Variants in ABCC9 observed in about 807,000 individuals in gnomAD.
The protein encoded by ABCC9 is ATP-binding cassette sub-family C member 9.
Under a neutral mutation model 188.3 loss-of-function variants are expected in ABCC9, and 95 were observed. That is an observed-to-expected ratio of 0.50 (90% CI 0.43 to 0.60). The LOEUF (loss-of-function observed/expected upper bound fraction) is 0.60. ABCC9 is among the 20% of genes least tolerant of loss of function. ABCC9 has a pLI of 0.00. For missense variants in ABCC9, 1,102 were observed against 1,876.3 expected (o/e 0.59, Z 7.62); for synonymous variants, 659 against 652.7 (o/e 1.01, Z -0.15).
At chr12:21,908,441 G>T (rs1948144646) in intron 10 of ABCC9, among the ~76,000 whole-genome samples, 2 of 151,934 alleles carry the variant, frequency 1.3e-5, no homozygotes, top group African/African-American at 4.8e-5. Context: ...TGCTAGGAAT[G>T]TATTTTTAGT....
rs1015956045 is a variant in ABCC9, at chr12:21,924,033, A to T, written c.406+1909T>A. ...GTCTATACTGTGTCATTCAATTTACATGAAGTTCTAGAACAGGCAAACCTA... is the reference window on the plus strand; with the variant it reads ...GTCTATACTGTGTCATTCAATTTACTTGAAGTTCTAGAACAGGCAAACCTA... On this transcript the variant is annotated intron_variant, in intron 5 of 39. Coordinates refer to ENST00000261200, the MANE Select transcript of ABCC9 (RefSeq NM_020297.4). 8.8e-6 allele frequency: 4 copies of T among 452,768 alleles called. No homozygotes were observed. In the Admixed American group the frequency reaches 1.2e-4, roughly 14 times the overall value. 28.0% of individuals were successfully genotyped at this position (452,768 alleles called of 1,614,324 possible).
chr12:21,865,979 C>G (rs1246086828), intron 18 of ABCC9, among the ~76,000 whole-genome samples: 1 of 151,002 alleles, frequency 6.6e-6, no homozygotes, highest in Non-Finnish European at 1.5e-5. Context: ...AGCAAAGAAC[C>G]AGAGCACCAA....
At chr12:21,852,339 A>G in intron 23 of ABCC9, 29 bp downstream of exon 23, 1 of 1,613,710 alleles carries the variant, frequency 6.2e-7, no homozygotes, top group Non-Finnish European at 8.5e-7. Flanking sequence ...TAATATAAAA[A>G]TGAGCAAAAT....
rs769816456 is a variant in ABCC9, at chr12:21,895,322, A to G, written c.1619-7T>C. On this transcript the variant is annotated splice_region_variant and splice_polypyrimidine_tract_variant and intron_variant, in intron 12 of 39. Coordinates refer to ENST00000261200, the MANE Select transcript of ABCC9 (RefSeq NM_020297.4). ...ATTGCTGCATTCATGAAGACTGTGG[A>G]AAGAAATAAAATGCATTAGTTTCAT... The G allele has an allele frequency of 1.2e-5, 20 of 1,612,312 alleles. No homozygotes were observed. In the African/African-American group the frequency reaches 2.7e-4, roughly 22 times the overall value.
rs1268787295 is a variant in ABCC9, at chr12:21,882,822, A to C, written c.1963T>G (p.Tyr655Asp). ...KQPGRYHLDS[Y>D]EQSTRRLRPA... Reference sequence around the variant, plus strand: ...CGTAGACGCCGTGTTGATTGCTCATAGCTGTCCAGGTGATATCTTCCAGGC... The same window carrying C: ...CGTAGACGCCGTGTTGATTGCTCATCGCTGTCCAGGTGATATCTTCCAGGC... Residue 655 changes from tyrosine to aspartate, a missense_variant, in exon 16 of 40, where the codon TAT becomes GAT. Around this residue, in one of 12 missense-constraint regions of ABCC9, gnomAD observed 258 missense variants for 325.6 expected, o/e 0.79. Transcript: ENST00000261200. 1 of 1,614,088 alleles carries C rather than the reference A, an allele frequency of 6.2e-7. No homozygotes were observed. The highest frequency in any genetic ancestry group is 1.1e-5 in the South Asian group (1 of 91,088).
intron 3 of ABCC9, among the ~76,000 whole-genome samples, chr12:21,934,859 T>C (rs896707518): frequency 1.3e-5 from 2 of 152,114 alleles, no homozygotes; most frequent in African/African-American, 4.8e-5. Flanking sequence ...ATTCATGTCT[T>C]AGTTGTTTTC....
At chr12:21,805,209 C>T in intron 39 of ABCC9, 1 of 1,613,970 alleles carries the variant, frequency 6.2e-7, no homozygotes, top group Non-Finnish European at 8.5e-7. Context: ...GAAAAGAGGC[C>T]ATTCTTGTGG....
At chr12:21,801,259 G>A (rs1311437383) in intron 39 of ABCC9, 78 bp from the exon 40 acceptor site, 1 of 1,560,980 alleles carries the variant, frequency 6.4e-7, no homozygotes, top group Non-Finnish European at 8.8e-7. Flanking sequence ...TATATTTCAT[G>A]AATTATTCTG....
chr12:21,859,506 C>T, intron 22 of ABCC9, 80 bp downstream of exon 22: 1 of 1,379,304 alleles, frequency 7.3e-7, no homozygotes, highest in Non-Finnish European at 1.0e-6. Flanking sequence ...CCTTGAGTTA[C>T]TTGACTTACA....
intron 5 of ABCC9, among the ~76,000 whole-genome samples, chr12:21,921,642 T>G (rs896022307): frequency 4.6e-5 from 7 of 152,138 alleles, no homozygotes; most frequent in Non-Finnish European, 1.0e-4. Flanking sequence ...CAAGAAATCT[T>G]TGCCCAGTCC....
Position 21,829,025 on chromosome 12 carries a change from A to C in ABCC9, c.3602T>G (p.Leu1201Arg), listed in dbSNP as rs766633076. ...GTAGGCAATGTTGTTTGTATCCGTCAGTTCCAGCATACGTTGTTTAAATCT... is the reference window on the plus strand; with the variant it reads ...GTAGGCAATGTTGTTTGTATCCGTCCGTTCCAGCATACGTTGTTTAAATCT... The part of the protein sequence containing the change: ...ETRFKQRMLE[L>R]TDTNNIAYLF... Residue 1201 changes from leucine (L) to arginine (R), a missense_variant, in exon 31 of 40, where the codon CTG becomes CGG. Physicochemically the swap from Leu to Arg is moderately radical, Grantham distance 102. This residue lies in a region of ABCC9 where 143 missense variants were observed against 225.6 expected (regional missense o/e 0.63). Coordinates refer to ENST00000261200, the MANE Select transcript of ABCC9 (RefSeq NM_020297.4). 6.2e-7 allele frequency: 1 copy of C among 1,614,068 alleles called. No individual in the cohort carries two copies. The highest frequency in any genetic ancestry group is 1.1e-5 in the South Asian group (1 of 91,086).
intron 26 of ABCC9, 24 bp downstream of exon 26, chr12:21,845,579 A>G: frequency 6.3e-7 from 1 of 1,596,846 alleles, no homozygotes; most frequent in Non-Finnish European, 8.6e-7. Context: ...TGATGATTTA[A>G]AAACAAAACC....
At chr12:21,831,011 T>TATCTATCTATCTA (rs995163295) in intron 30 of ABCC9, 14 of 147,846 alleles carry the variant, frequency 9.5e-5, no homozygotes, top group Non-Finnish European at 1.8e-4. Flanking sequence ...TCTATCTATC[T>TATCTATCTATCTA]ATCATCAATC....
At chr12:21,815,959 A>G in intron 33 of ABCC9, 66 bp from the exon 34 acceptor site, 7 of 1,334,484 alleles carry the variant, frequency 5.2e-6, no homozygotes, top group South Asian at 2.3e-5. Flanking sequence ...AAAGAAATGT[A>G]TACATACTTA....
intron 18 of ABCC9, among the ~76,000 whole-genome samples, chr12:21,867,934 G>A (rs766783674): frequency 1.2e-4 from 18 of 152,040 alleles, no homozygotes; most frequent in South Asian, 6.2e-4. Context: ...ATCAGATAAG[G>A]CATTTTAGTT....
chr12:21,881,179 T>G (rs1039616570), intron 16 of ABCC9, among the ~76,000 whole-genome samples: 3 of 152,150 alleles, frequency 2.0e-5, no homozygotes, highest in Middle Eastern at 3.2e-3. Context: ...GGGAAAAATA[T>G]AAGAAGACAG....
rs1432786642 is a variant in ABCC9 at position 21,809,872 on chromosome 12, T to C, written c.4295A>G (p.Lys1432Arg). 1 of 1,609,156 alleles carries C rather than the reference T, an allele frequency of 6.2e-7. No individual in the cohort carries two copies. Among genetic ancestry groups the C allele is most frequent in the Non-Finnish European group, 8.5e-7 (1 of 1,176,444 alleles). ...TATACCTAGACCTCCAGGTAGAGAT[T>C]TGACCATATTCTTCAGCTGAGCAAT... ...LEIAQLKNMVKSLPGGLDAVV... is the reference protein window; with the variant it reads ...LEIAQLKNMVRSLPGGLDAVV... Residue 1432 changes from lysine (K) to arginine (R), a missense_variant, in exon 37 of 40, where the codon AAA (lysine) becomes AGA (arginine). Transcript: ENST00000261200.
intron 22 of ABCC9, among the ~76,000 whole-genome samples, chr12:21,857,203 CAG>C (rs1340492855): frequency 1.3e-5 from 2 of 152,200 alleles, no homozygotes; most frequent in African/African-American, 4.8e-5. Flanking sequence ...GCATCTAGCA[CAG>C]AGTTTTTCAA....
rs1942809968 is a variant in ABCC9 at position 21,818,484 on chromosome 12, ATC to A, written c.3670-235_3670-234del. ...TATATCTATATCTATATCTATATCT[ATC>A]TATATATATATCTATATATAACTAT... On this transcript the variant is annotated intron_variant, in intron 31 of 39. Transcript: ENST00000261200. Among the ~76,000 whole-genome samples the A allele has an allele frequency of 4.1e-5, 6 of 145,962 alleles. 1 individual carries two copies. The highest frequency in any genetic ancestry group is 2.2e-4 in the South Asian group (1 of 4,600).
Sources: gnomAD v4.1 joint callset for allele counts (sites outside exome capture counted in the v4.1 genomes callset) on GRCh38, gnomAD v4.1.1 for gene constraint, gnomAD v4.1.1 regional missense constraint, MANE v1.5 for transcripts, NCBI Gene and HGNC (gene_info 2026-07-23, HGNC 2026-07-21) for gene names.